The following ELF1 variants were observed in gnomAD, a reference collection of about 807,000 sequenced individuals.
ELF1 encodes E74 like ETS transcription factor 1, also known as ETS-related transcription factor Elf-1.
Under a neutral mutation model 59.9 loss-of-function variants are expected in ELF1, and 24 were observed. The ratio of observed to expected loss-of-function variants is 0.40; its 90% CI spans 0.29 to 0.56. The LOEUF (loss-of-function observed/expected upper bound fraction) is 0.56, where lower values mean the gene tolerates loss of function less well. Among genes scored for constraint, ELF1 ranks in the 20% least tolerant of loss-of-function variants. The pLI is 0.44. For synonymous variants in ELF1, 248 were observed against 266.2 expected, an observed-to-expected ratio of 0.93 and a Z score of 0.67; for missense variants, 627 against 742.2, an observed-to-expected ratio of 0.84 and a Z score of 1.80.
chr13:41,044,708 G>A (rs1876767873), intron 1 of ELF1, among the ~76,000 whole-genome samples: 1 of 152,186 alleles, frequency 6.6e-6, no homozygotes, highest in South Asian at 2.1e-4. Flanking sequence ...GTATTTTACT[G>A]AGGATTTTTG....
At chr13:40,996,372 G>A (rs2138320122) in intron 1 of ELF1, among the ~76,000 whole-genome samples, 1 of 152,304 alleles carries the variant, frequency 6.6e-6, no homozygotes, top group South Asian at 2.1e-4. Context: ...GTTTACAGCA[G>A]CTTTATTCAT....
At chr13:41,023,831 G>A (rs1271300333), upstream of ELF1, among the ~76,000 whole-genome samples, 1 of 152,174 alleles carries the variant, frequency 6.6e-6, no homozygotes, top group African/African-American at 2.4e-5. Context: ...CCAAAACTCA[G>A]CAGAAATTCA....
chr13:40,954,594 C>T (rs1395698001), intron 3 of ELF1, among the ~76,000 whole-genome samples: 1 of 152,080 alleles, frequency 6.6e-6, no homozygotes, highest in African/African-American at 2.4e-5. Flanking sequence ...ATTGCAGGCG[C>T]GCGCCGCCAC....
chr13:40,996,839 A>G (rs950246912), intron 1 of ELF1, among the ~76,000 whole-genome samples: 3 of 152,146 alleles, frequency 2.0e-5, no homozygotes, highest in Non-Finnish European at 4.4e-5. Context: ...TATCATCTCA[A>G]AAACAACAAT....
intron 1 of ELF1, among the ~76,000 whole-genome samples, chr13:41,026,067 T>C (rs1377412366): frequency 1.3e-5 from 2 of 152,182 alleles, no homozygotes; most frequent in African/African-American, 4.8e-5. Flanking sequence ...AGGTAACATA[T>C]TAGTCCATTA....
chr13:40,985,736 G>A (rs910384247), intron 1 of ELF1, among the ~76,000 whole-genome samples: 23 of 151,986 alleles, frequency 1.5e-4, no homozygotes, highest in African/African-American at 5.6e-4. Context: ...AAAAAATATG[G>A]GCACTCGGAT....
At position 41,060,857 on chromosome 13, in the gene ELF1, C is replaced by G. The variant is rs535382312; in HGVS notation, c.-248G>C. 5.9e-4 allele frequency: 193 copies of G among 325,284 alleles called. 1 individual carries two copies. Among genetic ancestry groups the G allele is most frequent in the Non-Finnish European group, 9.3e-4 (153 of 165,196 alleles). 20.1% of individuals were successfully genotyped at this position (325,284 alleles called of 1,614,324 possible). ...ACCCACCTGACAAGCATAAGTGCCT[C>G]TGCCTCCTTCGCCGCACCTCTCGCC... On this transcript the variant is annotated 5_prime_UTR_variant, in exon 1 of 2. Transcript: ENST00000405737.
Position 40,949,872 on chromosome 13 carries a change from G to A in ELF1, c.463C>T (p.Gln155Ter). ...GAGTCTGCATATTTTTCTTGCACCTGCTGTGTTTCCATCACTTCAGGAATC... is the reference window on the plus strand; with the variant it reads ...GAGTCTGCATATTTTTCTTGCACCTACTGTGTTTCCATCACTTCAGGAATC... ...DGIPEVMETQQVQEKYADSPG... is the reference protein window; with the variant it reads ...DGIPEVMETQ The change falls in exon 5 of 9, where the codon CAG becomes TAG. Residue 155 changes from glutamine (Q) to a stop codon, truncating the protein, a stop_gained. Coordinates refer to ENST00000239882, the MANE Select transcript of ELF1 (RefSeq NM_172373.4). LOFTEE classifies it high-confidence loss of function. 6.2e-7 allele frequency: 1 copy of A among 1,614,054 alleles called. No individual in the cohort carries two copies. The highest frequency in any genetic ancestry group is 8.5e-7 in the Non-Finnish European group (1 of 1,180,004).
At position 40,932,855 on chromosome 13, in the gene ELF1, C is replaced by T. The variant is rs1045241181; in HGVS notation, c.*570G>A. 3.3e-5 allele frequency: 5 copies of T among 153,038 alleles called. No individual in the cohort carries two copies. The highest frequency in any genetic ancestry group is 6.5e-5 in the Admixed American group (1 of 15,288). The allele number at this position is 153,038 out of a possible 1,614,324, so 9.5% of individuals were successfully genotyped here. The stretch of plus-strand genomic sequence containing the variant: ...TCTTAGGCTGATGCTTTTATACTAT[C>T]CTGCTTCTGAAACAGGGTCAGCCAT... On this transcript the variant is annotated 3_prime_UTR_variant, in exon 9 of 9. Coordinates refer to ENST00000239882, the MANE Select transcript of ELF1 (RefSeq NM_172373.4).
chr13:41,013,439 T>C (rs1182027857), intron 1 of ELF1, among the ~76,000 whole-genome samples: 1 of 152,156 alleles, frequency 6.6e-6, no homozygotes, highest in African/African-American at 2.4e-5. Flanking sequence ...GTCACAAAGC[T>C]GAATGAAAGA....
intron 1 of ELF1, among the ~76,000 whole-genome samples, chr13:41,030,392 A>C (rs1034289246): frequency 2.0e-5 from 3 of 152,156 alleles, no homozygotes; most frequent in Non-Finnish European, 4.4e-5. Flanking sequence ...AAAAACAAAC[A>C]AAAAACCCTG....
At chr13:41,037,578 T>C (rs1208537353) in intron 1 of ELF1, among the ~76,000 whole-genome samples, 2 of 152,006 alleles carry the variant, frequency 1.3e-5, no homozygotes, top group Non-Finnish European at 1.5e-5. Context: ...GGATGGATCA[T>C]GAGGTCAGGA....
At chr13:40,948,570 A>C (rs1438134219) in intron 5 of ELF1, among the ~76,000 whole-genome samples, 1 of 152,126 alleles carries the variant, frequency 6.6e-6, no homozygotes, top group African/African-American at 2.4e-5. Context: ...CTTTCACATG[A>C]ACTTAGGTTA....
rs181039267 is a variant in ELF1 at position 40,973,886 on chromosome 13, G to T, written c.72+8097C>A. Among the ~76,000 whole-genome samples, 481 of 152,224 alleles carry T rather than the reference G, an allele frequency of 3.2e-3. 10 individuals are homozygous for T. The highest frequency in any genetic ancestry group is 8.4e-4 in the Non-Finnish European group (57 of 68,004). On this transcript the variant is annotated intron_variant, in intron 2 of 8. Coordinates refer to ENST00000239882, the MANE Select transcript of ELF1 (RefSeq NM_172373.4). ...CAACACAGATGAACCTTGATAACAG[G>T]ATGCCAAAGTAAAAGAAGCCAGTCG...
exon 1 of ELF1, chr13:41,060,914 T>TGCTGCTGCTGCC (rs878930377): frequency 5.8e-6 from 2 of 344,892 alleles, no homozygotes; most frequent in Non-Finnish European, 5.8e-6. Flanking sequence ...AAGCTGCTGC[T>TGCTGCTGCTGCC]GCCGCCGCCG....
At chr13:41,038,450 G>A (rs1876474906) in intron 1 of ELF1, among the ~76,000 whole-genome samples, 1 of 152,132 alleles carries the variant, frequency 6.6e-6, no homozygotes, top group Admixed American at 6.5e-5. Context: ...CCAGGAGATC[G>A]AGGTTGCAAT....
intron 1 of ELF1, among the ~76,000 whole-genome samples, chr13:41,026,950 T>A (rs1406332718): frequency 6.6e-6 from 1 of 152,224 alleles, no homozygotes; most frequent in Non-Finnish European, 1.5e-5. Context: ...TGTTTACAGA[T>A]GGTTCTGCAC....
intron 1 of ELF1, among the ~76,000 whole-genome samples, chr13:41,054,308 A>G (rs1415225304): frequency 6.6e-6 from 1 of 152,264 alleles, no homozygotes; most frequent in East Asian, 1.9e-4. Context: ...GCATCACTGC[A>G]TGCACCAACG....
intron 1 of ELF1, among the ~76,000 whole-genome samples, chr13:41,006,613 T>C (rs1874774821): frequency 6.6e-6 from 1 of 152,228 alleles, no homozygotes; most frequent in Admixed American, 6.5e-5. Context: ...ACTAACAGGT[T>C]GTAAATTATC....
Sources: allele counts gnomAD v4.1 joint callset (sites outside exome capture counted in the v4.1 genomes callset), GRCh38; gene constraint gnomAD v4.1.1; transcripts MANE v1.5; gene names NCBI Gene and HGNC (gene_info 2026-07-23, HGNC 2026-07-21).